Variants in CD226 observed in about 807,000 individuals in gnomAD.
The protein encoded by CD226 is CD226 molecule.
CD226 carries 24 observed loss-of-function variants against 34.9 expected under a neutral mutation model. The observed-to-expected ratio is 0.69, with a 90% CI of 0.50 to 0.97. The LOEUF (loss-of-function observed/expected upper bound fraction) is 0.97. Among genes scored for constraint, CD226 ranks in the 50% least tolerant of loss-of-function variants. The probability of loss-of-function intolerance (pLI) is 0.00; values close to 1 mark genes in which losing one functional copy is unlikely to be tolerated. For synonymous variants in CD226, 148 were observed against 147.4 expected (o/e 1.00, Z -0.03); for missense variants, 397 against 412.7 (o/e 0.96, Z 0.33).
intron 3 of CD226, among the ~76,000 whole-genome samples, chr18:69,888,978 T>C (rs1984725062): frequency 6.6e-6 from 1 of 152,058 alleles, no homozygotes; most frequent in South Asian, 2.1e-4. Context: ...GTTCAAAAAA[T>C]GAATAGATCA....
Position 69,857,485 on chromosome 18 carries a change from G to C in CD226, c.*6829C>G, listed in dbSNP as rs536321188. 1.3e-5 allele frequency: 2 copies of C among 152,290 alleles called. No individual in the cohort carries two copies. Among genetic ancestry groups the C allele is most frequent in the South Asian group, 2.1e-4 (1 of 4,826 alleles). The allele number at this position is 152,290 out of a possible 1,614,324, so 9.4% of individuals were successfully genotyped here. ...TCAAAGAATAATGGTCTTAGTCACT[G>C]TAAGTACTTTTGGATACCTGGCATA... On this transcript the variant is annotated 3_prime_UTR_variant, in exon 6 of 6. Coordinates refer to ENST00000582621, the MANE Select transcript of CD226 (RefSeq NM_001303618.2).
intron 2 of CD226, among the ~76,000 whole-genome samples, chr18:69,920,757 T>C (rs2055441438): frequency 6.6e-6 from 1 of 152,168 alleles, no homozygotes; most frequent in African/African-American, 2.4e-5. Flanking sequence ...TTTAAAGATA[T>C]TGTAACAAGG....
At chr18:69,942,179 T>A (rs893213935) in intron 2 of CD226, among the ~76,000 whole-genome samples, 1 of 152,212 alleles carries the variant, frequency 6.6e-6, no homozygotes, top group Non-Finnish European at 1.5e-5. Flanking sequence ...TCTTAAGTAT[T>A]TCTTCACAGC....
chr18:69,914,552 A>G (rs1335472629), intron 2 of CD226, among the ~76,000 whole-genome samples: 3 of 152,194 alleles, frequency 2.0e-5, no homozygotes, highest in Non-Finnish European at 1.5e-5. Flanking sequence ...AAGCATTTCT[A>G]CTGAAGTAAA....
chr18:69,951,333 CCAT>C (rs1422671698), upstream of CD226, among the ~76,000 whole-genome samples: 5 of 151,772 alleles, frequency 3.3e-5, no homozygotes, highest in Non-Finnish European at 5.9e-5. Context: ...CTGAGTTGGC[CCAT>C]CAGAGTGAAG....
chr18:69,960,239 T>TAAAAAAAAAAA (rs552196121), upstream of CD226, among the ~76,000 whole-genome samples: 1 of 126,652 alleles, frequency 7.9e-6, no homozygotes. Flanking sequence ...GACTCCATCT[T>TAAAAAAAAAAA]AAAAAAAAAA....
rs548009539 is a variant in CD226, at chr18:69,895,511, T to C, written c.727+190A>G. On this transcript the variant is annotated intron_variant, in intron 3 of 5. Transcript: ENST00000582621. ...GAAAGATTTTTATTGCTGTATCTGATTGATGGATTCACAAGATAAAGAAAC... is the reference window on the plus strand; with the variant it reads ...GAAAGATTTTTATTGCTGTATCTGACTGATGGATTCACAAGATAAAGAAAC... Among the ~76,000 whole-genome samples, 21 of 152,284 alleles carry C rather than the reference T, an allele frequency of 1.4e-4. No individual in the cohort carries two copies. The South Asian group carries it at 4.1e-3, about 30-fold the overall frequency.
Position 69,925,297 on chromosome 18 carries a change from C to A in CD226, c.382+21437G>T, listed in dbSNP as rs907143211. On this transcript the variant is annotated intron_variant, in intron 2 of 5. Transcript: ENST00000582621. ...AGAGAATGTGCTGGGACAAGTACTT[C>A]GTGCATAACCAAATACAAACTAGGA... Among the ~76,000 whole-genome samples the A allele has an allele frequency of 4.6e-5, 7 of 152,142 alleles. No homozygotes were observed. The East Asian group carries it at 1.3e-3, about 29-fold the overall frequency.
At chr18:69,869,799 CTT>C (rs1002754140) in intron 4 of CD226, among the ~76,000 whole-genome samples, 10 of 121,658 alleles carry the variant, frequency 8.2e-5, no homozygotes, top group Middle Eastern at 4.4e-3. Context: ...TCTTTTTTTT[CTT>C]TTTTTTTTTT....
At chr18:69,910,857 T>C (rs1485078690) in intron 2 of CD226, among the ~76,000 whole-genome samples, 1 of 151,666 alleles carries the variant, frequency 6.6e-6, no homozygotes, top group Non-Finnish European at 1.5e-5. Flanking sequence ...GATTTGGGAG[T>C]CTATAAAAGA....
At chr18:69,943,664 G>C (rs1280885509) in intron 2 of CD226, among the ~76,000 whole-genome samples, 3 of 152,164 alleles carry the variant, frequency 2.0e-5, no homozygotes, top group Non-Finnish European at 4.4e-5. Context: ...CCCCCAGGCT[G>C]ACAGTTACAT....
chr18:69,883,045 CTT>C (rs1365846606), intron 3 of CD226, among the ~76,000 whole-genome samples: 1 of 152,098 alleles, frequency 6.6e-6, no homozygotes, highest in African/African-American at 2.4e-5. Flanking sequence ...ATTTCTAGTG[CTT>C]TTGTGTTCAT....
In CD226 at chr18:69,864,253, A is replaced by G; in HGVS notation, c.*61T>C. 2 of 1,563,690 alleles carry G rather than the reference A, an allele frequency of 1.3e-6. No individual in the cohort carries two copies. The highest frequency in any genetic ancestry group is 1.8e-6 in the Non-Finnish European group (2 of 1,142,706). On this transcript the variant is annotated 3_prime_UTR_variant, in exon 6 of 6. Coordinates refer to ENST00000582621, the MANE Select transcript of CD226 (RefSeq NM_001303618.2). ...ACCTTGGGTAGTGGAAAAAAATTGC[A>G]TAAAGATCCATGCATGAGTACATAA...
chr18:69,934,283 C>CGG (rs1209071617), intron 2 of CD226, among the ~76,000 whole-genome samples: 1 of 48,484 alleles, frequency 2.1e-5, no homozygotes, highest in Admixed American at 2.8e-4. Flanking sequence ...AGAGGATACA[C>CGG]ACACACACAC....
At chr18:69,955,436 A>G (rs995117618) in intron 1 of CD226, among the ~76,000 whole-genome samples, 1 of 152,124 alleles carries the variant, frequency 6.6e-6, no homozygotes, top group Non-Finnish European at 1.5e-5. Flanking sequence ...ATCTAGCTAA[A>G]CTCAGAACAA....
chr18:69,951,205 A>G (rs78497003), upstream of CD226, among the ~76,000 whole-genome samples: 1,450 of 152,016 alleles, frequency 9.5e-3, 28 homozygotes, highest in African/African-American at 0.032. Flanking sequence ...TTCTGGACTC[A>G]TGTAATTTTG....
At chr18:69,954,742 C>G (rs894545004) in intron 1 of CD226, among the ~76,000 whole-genome samples, 2 of 152,028 alleles carry the variant, frequency 1.3e-5, no homozygotes, top group Admixed American at 1.3e-4. Context: ...TATTTGCACC[C>G]TGGAATTGAG....
intron 4 of CD226, among the ~76,000 whole-genome samples, chr18:69,868,597 T>C (rs1233124019): frequency 6.6e-6 from 1 of 152,256 alleles, no homozygotes; most frequent in African/African-American, 2.4e-5. Context: ...AGGTGTTTTA[T>C]ATAAATTAGA....
At position 69,863,986 on chromosome 18, in the gene CD226, T is replaced by C. The variant is rs1982973864; in HGVS notation, c.*328A>G. 5.6e-6 allele frequency: 1 copy of C among 179,834 alleles called. No individual in the cohort carries two copies. Among genetic ancestry groups the C allele is most frequent in the African/African-American group, 2.4e-5 (1 of 42,342 alleles). The allele number at this position is 179,834 out of a possible 1,614,324, so 11.1% of individuals were successfully genotyped here. Reference sequence around the variant, plus strand: ...ATGGATCCAACACTCTGGAAAGGGATTCAGAAGCCAGTTTATGCCCATACT... The same window carrying C: ...ATGGATCCAACACTCTGGAAAGGGACTCAGAAGCCAGTTTATGCCCATACT... On this transcript the variant is annotated 3_prime_UTR_variant, in exon 6 of 6. Transcript: ENST00000582621.
Sources: gnomAD v4.1 joint callset for allele counts (sites outside exome capture counted in the v4.1 genomes callset) on GRCh38, gnomAD v4.1.1 for gene constraint, MANE v1.5 for transcripts, NCBI Gene and HGNC (gene_info 2026-07-23, HGNC 2026-07-21) for gene names.